SLC22A3: variants seen among roughly 807,000 people sequenced by gnomAD.
SLC22A3 encodes the protein solute carrier family 22 member 3, also known as EMT organic cation transporter 3.
A neutral mutation model predicts 59.1 loss-of-function variants in SLC22A3; 51 were observed. The ratio of observed to expected loss-of-function variants is 0.86; its 90% CI spans 0.69 to 1.09. The LOEUF is 1.09. SLC22A3 is among the 50% of genes least tolerant of loss of function. The pLI, the probability that SLC22A3 is intolerant of heterozygous loss-of-function variation, is 0.00. For missense variants in SLC22A3, 711 were observed against 726.3 expected (o/e 0.98, Z 0.24); for synonymous variants, 325 against 292.0 (o/e 1.11, Z -1.15).
At chr6:160,398,168 A>G (rs1011750444) in intron 2 of SLC22A3, 86 bp downstream of exon 2, 35 of 1,026,614 alleles carry the variant, frequency 3.4e-5, no homozygotes, top group Non-Finnish European at 4.3e-5. Flanking sequence ...TAACTATTAA[A>G]ACAATATTTT....
At chr6:160,354,669 C>T (rs1045757041) in intron 1 of SLC22A3, among the ~76,000 whole-genome samples, 1 of 152,184 alleles carries the variant, frequency 6.6e-6, no homozygotes, top group Non-Finnish European at 1.5e-5. Flanking sequence ...AAAAATTGGC[C>T]GAGTGTGGTG....
At chr6:160,439,388 A>T (rs1267941414) in intron 7 of SLC22A3, among the ~76,000 whole-genome samples, 4 of 152,148 alleles carry the variant, frequency 2.6e-5, no homozygotes, top group Non-Finnish European at 5.9e-5. Flanking sequence ...AGCGAGAAAG[A>T]TGCATGCTTC....
rs373005634 is a variant in SLC22A3, at chr6:160,349,993, T to C, written c.429+1145T>C. Among the ~76,000 whole-genome samples, 107 of 152,300 alleles carry C rather than the reference T, an allele frequency of 7.0e-4. 1 individual carries two copies. Among genetic ancestry groups the C allele is most frequent in the African/African-American group, 2.2e-3 (91 of 41,576 alleles). On this transcript the variant is annotated intron_variant, in intron 1 of 10. Coordinates refer to ENST00000275300, the MANE Select transcript of SLC22A3 (RefSeq NM_021977.4). ...TGTTGCTGTTGGTCTGGTGAGCTTA[T>C]CTCGCTGCAGTTGGGAGTGTCGGTG...
Position 160,407,123 on chromosome 6 carries a change from C to T in SLC22A3, c.616C>T (p.Pro206Ser), listed in dbSNP as rs867935998. 1 of 1,611,996 alleles carries T rather than the reference C, an allele frequency of 6.2e-7. No individual in the cohort carries two copies. The highest frequency in any genetic ancestry group is 8.5e-7 in the Non-Finnish European group (1 of 1,178,988). Residue 206 changes from proline to serine, a missense_variant, in exon 3 of 11, where the codon CCT (proline) becomes TCT (serine). Pro to Ser is a moderately conservative substitution (Grantham distance 74, BLOSUM62 -1). Transcript: ENST00000275300. ...TGTGGTGGCCTTTGCACCAAACTTC[C>T]CTGTGTTTGTGATCTTCCGCTTCCT... ...GVVVAFAPNF[P>S]VFVIFRFLQG...
At chr6:160,432,474 G>A (rs1227039149) in intron 5 of SLC22A3, among the ~76,000 whole-genome samples, 1 of 150,166 alleles carries the variant, frequency 6.7e-6, no homozygotes, top group Non-Finnish European at 1.5e-5. Flanking sequence ...CGACACCCAG[G>A]CTGGAGTGCA....
chr6:160,369,323 T>C (rs766811552), intron 1 of SLC22A3, among the ~76,000 whole-genome samples: 5 of 152,250 alleles, frequency 3.3e-5, no homozygotes, highest in Non-Finnish European at 7.3e-5. Flanking sequence ...TGTAGCATGC[T>C]AACATTTTCC....
chr6:160,377,082 G>A (rs1785623163), intron 1 of SLC22A3, among the ~76,000 whole-genome samples: 2 of 152,160 alleles, frequency 1.3e-5, no homozygotes, highest in South Asian at 4.1e-4. Context: ...GTTGGTGTAG[G>A]GGCGGGGAGA....
intron 7 of SLC22A3, among the ~76,000 whole-genome samples, chr6:160,441,296 C>T (rs1395089172): frequency 6.6e-6 from 1 of 152,140 alleles, no homozygotes; most frequent in Non-Finnish European, 1.5e-5. Flanking sequence ...CTAGTCTCCA[C>T]TCCCCCCTTT....
chr6:160,353,540 T>C (rs563015690), intron 1 of SLC22A3, among the ~76,000 whole-genome samples: 240 of 152,240 alleles, frequency 1.6e-3, no homozygotes, highest in Non-Finnish European at 3.0e-3. Context: ...AGAAAGTACA[T>C]TGACCTTAAC....
At chr6:160,423,984 G>A (rs1485840407) in intron 5 of SLC22A3, among the ~76,000 whole-genome samples, 4 of 152,120 alleles carry the variant, frequency 2.6e-5, no homozygotes, top group African/African-American at 7.2e-5. Context: ...AATCCATCTC[G>A]AATTAATTTT....
chr6:160,358,483 C>G (rs189261598), intron 1 of SLC22A3, among the ~76,000 whole-genome samples: 1 of 152,152 alleles, frequency 6.6e-6, no homozygotes, highest in African/African-American at 2.4e-5. Context: ...GATTCCAATA[C>G]TAAGGACGTG....
chr6:160,421,219 C>T (rs79712437), intron 5 of SLC22A3, among the ~76,000 whole-genome samples: 4,477 of 152,274 alleles, frequency 0.029, 215 homozygotes, highest in African/African-American at 0.1. Flanking sequence ...GGCCAGCCCA[C>T]GGAAAACACA....
chr6:160,436,969 T>G, intron 6 of SLC22A3, 28 bp from the exon 7 acceptor site: 1 of 1,613,700 alleles, frequency 6.2e-7, no homozygotes, highest in Non-Finnish European at 8.5e-7. Flanking sequence ...TCTTACTTGT[T>G]CTCTGGTGTC....
intron 5 of SLC22A3, among the ~76,000 whole-genome samples, chr6:160,424,154 G>T (rs1381263684): frequency 6.6e-6 from 1 of 152,054 alleles, no homozygotes; most frequent in South Asian, 2.1e-4. Context: ...GTTGACAAAA[G>T]AATCTGTCCC....
intron 9 of SLC22A3, among the ~76,000 whole-genome samples, chr6:160,443,986 G>A (rs746975733): frequency 6.6e-5 from 10 of 152,176 alleles, no homozygotes; most frequent in Non-Finnish European, 8.8e-5. Context: ...GATAAATAAT[G>A]TTCAATTAGC....
chr6:160,349,014 G>C, intron 1 of SLC22A3, 166 bp downstream of exon 1: 1 of 985,468 alleles, frequency 1.0e-6, no homozygotes, highest in South Asian at 4.7e-5. Flanking sequence ...TGGAAGTGCC[G>C]CGTCGTAAAT....
At chr6:160,449,298 CAACT>C (rs1263861172) in intron 10 of SLC22A3, among the ~76,000 whole-genome samples, 1 of 151,946 alleles carries the variant, frequency 6.6e-6, no homozygotes, top group Non-Finnish European at 1.5e-5. Context: ...AATCAATACC[CAACT>C]AACATATAAA....
chr6:160,394,196 C>T (rs1432373170), intron 1 of SLC22A3, among the ~76,000 whole-genome samples: 4 of 152,184 alleles, frequency 2.6e-5, no homozygotes, highest in Non-Finnish European at 5.9e-5. Flanking sequence ...AGGAGAAGGA[C>T]ATAAATGTGC....
Position 160,348,557 on chromosome 6 carries a change from C to G in SLC22A3, c.138C>G (p.Pro46=), listed in dbSNP as rs1045718349. 2.6e-6 allele frequency: 4 copies of G among 1,549,558 alleles called. No individual in the cohort carries two copies. Among genetic ancestry groups the G allele is most frequent in the Middle Eastern group, 2.3e-4 (1 of 4,440 alleles). Residue 46 remains proline, a synonymous_variant, in exon 1 of 11, where the codon CCC becomes CCG. Transcript: ENST00000275300. ...GCGTGGTCTTCCTGGGCACGCAGCC[C>G]GACCACTACTGGTGCCGCGGGCCAA... is the stretch of plus-strand genomic sequence containing the variant. ...FVGVVFLGTQ[P]DHYWCRGPSA...
Sources: allele counts gnomAD v4.1 joint callset (sites outside exome capture counted in the v4.1 genomes callset), GRCh38; gene constraint gnomAD v4.1.1; transcripts MANE v1.5; gene names NCBI Gene and HGNC (gene_info 2026-07-23, HGNC 2026-07-21).